EYS: variants seen among roughly 807,000 people sequenced by gnomAD.
EYS encodes the protein EGF-like photoreceptor maintenance factor, also known as protein eyes shut homolog.
Under a neutral mutation model 282.1 loss-of-function variants are expected in EYS, and 250 were observed. The observed-to-expected ratio is 0.89, with a 90% CI of 0.80 to 0.98. The LOEUF (loss-of-function observed/expected upper bound fraction) is 0.98. Ranked by LOEUF, EYS falls within the 50% of genes least tolerant of loss-of-function variation. EYS has a pLI of 0.00. For missense variants in EYS, 4,016 were observed against 3,709.0 expected, an observed-to-expected ratio of 1.08 and a Z score of -2.15; for synonymous variants, 1,355 against 1,282.9, an observed-to-expected ratio of 1.06 and a Z score of -1.20.
intron 31 of EYS, among the ~76,000 whole-genome samples, chr6:64,143,500 A>T (rs988377886): frequency 6.6e-6 from 1 of 152,204 alleles, no homozygotes; most frequent in East Asian, 1.9e-4. Flanking sequence ...CTAAAAGTGC[A>T]ATTAAAAATA....
intron 32 of EYS, among the ~76,000 whole-genome samples, chr6:64,070,044 G>A (rs968381236): frequency 2.0e-5 from 3 of 151,872 alleles, no homozygotes; most frequent in Non-Finnish European, 4.4e-5. Flanking sequence ...TTGTTTCTTT[G>A]GCCAAAGTAT....
Position 63,885,887 on chromosome 6 carries a change from G to A in EYS, c.7056-21529C>T, listed in dbSNP as rs543485955. 1.2e-4 allele frequency among the ~76,000 whole-genome samples: 19 copies of A among 152,258 alleles called. No individual in the cohort carries two copies. In the East Asian group the frequency reaches 3.1e-3, roughly 25 times the overall value. ...ATTGGCTAGACTTGTACTCTTTTGAGCAATATTCTTCTTCCAATGTGAATG... is the reference window on the plus strand; with the variant it reads ...ATTGGCTAGACTTGTACTCTTTTGAACAATATTCTTCTTCCAATGTGAATG... On this transcript the variant is annotated intron_variant, in intron 35 of 42. Transcript: ENST00000503581.
intron 1 of EYS, among the ~76,000 whole-genome samples, chr6:65,701,305 T>C (rs1230270846): frequency 6.6e-6 from 1 of 152,116 alleles, no homozygotes; most frequent in Non-Finnish European, 1.5e-5. Flanking sequence ...CCAAAATAAA[T>C]CACAGATGGA....
Position 64,439,357 on chromosome 6 carries a change from G to A in EYS, c.5645-5C>T, listed in dbSNP as rs1003975346. 10 of 1,479,196 alleles carry A rather than the reference G, an allele frequency of 6.8e-6. 1 individual carries two copies. Among genetic ancestry groups the A allele is most frequent in the South Asian group, 1.4e-5 (1 of 70,742 alleles). The allele number at this position is 1,479,196 out of a possible 1,614,324, so 91.6% of individuals were successfully genotyped here. On this transcript the variant is annotated splice_region_variant and splice_polypyrimidine_tract_variant and intron_variant, in intron 26 of 42. Transcript: ENST00000503581. ...AATAACGAACACAACTGAAATCTGT[G>A]GAGTCAGAAAGAAAATACAATTTAG...
intron 22 of EYS, among the ~76,000 whole-genome samples, chr6:64,681,895 C>T (rs1294844002): frequency 6.6e-6 from 1 of 152,134 alleles, no homozygotes; most frequent in African/African-American, 2.4e-5. Context: ...GTCTTACATC[C>T]TTGGGAATAC....
chr6:65,408,357 T>C (rs1048957888), intron 5 of EYS, among the ~76,000 whole-genome samples: 1 of 152,072 alleles, frequency 6.6e-6, no homozygotes, highest in Non-Finnish European at 1.5e-5. Context: ...TCTCTTCTTT[T>C]AAGAGATTAG....
At chr6:64,404,540 T>C (rs970509515) in intron 28 of EYS, among the ~76,000 whole-genome samples, 1 of 152,172 alleles carries the variant, frequency 6.6e-6, no homozygotes, top group African/African-American at 2.4e-5. Flanking sequence ...ATTTCTCAGA[T>C]AGGTATTTTA....
intron 14 of EYS, among the ~76,000 whole-genome samples, chr6:64,982,742 T>C (rs1301770539): frequency 6.6e-6 from 1 of 151,182 alleles, no homozygotes; most frequent in East Asian, 1.9e-4. Context: ...TTTGAGTTGA[T>C]AGATATCAGA....
chr6:65,404,407 T>C (rs1766638167), intron 6 of EYS, among the ~76,000 whole-genome samples: 1 of 151,998 alleles, frequency 6.6e-6, no homozygotes, highest in Non-Finnish European at 1.5e-5. Flanking sequence ...ATTTATTTTA[T>C]TTTTATTTTA....
At chr6:63,923,071 G>C (rs972023221) in intron 35 of EYS, among the ~76,000 whole-genome samples, 1 of 152,180 alleles carries the variant, frequency 6.6e-6, no homozygotes, top group Admixed American at 6.5e-5. Flanking sequence ...TTGTAAGTTT[G>C]CTAAAGTAAT....
chr6:64,036,220 TTAAAG>T (rs375610527), intron 33 of EYS, among the ~76,000 whole-genome samples: 13 of 152,162 alleles, frequency 8.5e-5, no homozygotes, highest in African/African-American at 2.4e-4. Flanking sequence ...ATGATAGAAC[TTAAAG>T]TATAATAGAA....
chr6:64,548,665 C>A (rs1257656198), intron 26 of EYS, among the ~76,000 whole-genome samples: 1 of 151,896 alleles, frequency 6.6e-6, no homozygotes, highest in Non-Finnish European at 1.5e-5. Flanking sequence ...ACATCACACA[C>A]TGGGGCCTGT....
At chr6:64,899,035 T>C (rs891151405) in intron 18 of EYS, among the ~76,000 whole-genome samples, 1 of 151,980 alleles carries the variant, frequency 6.6e-6, no homozygotes, top group African/African-American at 2.4e-5. Flanking sequence ...ACTGTCAATA[T>C]TAGACAGATC....
chr6:63,803,959 C>T (rs902595091), intron 37 of EYS, among the ~76,000 whole-genome samples: 4 of 152,118 alleles, frequency 2.6e-5, no homozygotes, highest in African/African-American at 9.7e-5. Context: ...AAGGTGGCTA[C>T]AGAAGGCCCT....
rs569497579 is a variant in EYS, at chr6:64,014,783, T to A, written c.6726-15600A>T. ...TGGCTTATTTAGTCTTTTTTTATTT[T>A]TTTTTTTTTTGGTTTCTGAGGTTTT... On this transcript the variant is annotated intron_variant, in intron 33 of 42. Coordinates refer to ENST00000503581, the MANE Select transcript of EYS (RefSeq NM_001142800.2). Among the ~76,000 whole-genome samples, 696 of 150,030 alleles carry A rather than the reference T, an allele frequency of 4.6e-3. 2 individuals are homozygous for A. The highest frequency in any genetic ancestry group is 7.2e-3 in the Non-Finnish European group (490 of 67,922).
intron 37 of EYS, among the ~76,000 whole-genome samples, chr6:63,802,368 G>T (rs1478936587): frequency 6.6e-6 from 1 of 151,836 alleles, no homozygotes; most frequent in East Asian, 1.9e-4. Context: ...AAACCTAGAT[G>T]ACAGATTGAT....
intron 5 of EYS, among the ~76,000 whole-genome samples, chr6:65,447,236 A>T (rs1768696510): frequency 6.7e-6 from 1 of 150,250 alleles, no homozygotes. Context: ...GAGGGTAGGT[A>T]CCAATATTGG....
intron 33 of EYS, among the ~76,000 whole-genome samples, chr6:64,042,903 C>T (rs10944301): frequency 0.58 from 87,364 of 151,876 alleles, 28,245 homozygotes; most frequent in African/African-American, 0.89. Flanking sequence ...TTTTCTAAAA[C>T]TGCTTCCATA....
At chr6:63,992,003 C>A (rs1488291210) in intron 34 of EYS, among the ~76,000 whole-genome samples, 2 of 151,744 alleles carry the variant, frequency 1.3e-5, no homozygotes, top group Non-Finnish European at 2.9e-5. Context: ...CCAAAACTGT[C>A]CTCCAAGAAT....
Sources: allele counts gnomAD v4.1 joint callset (sites outside exome capture counted in the v4.1 genomes callset), GRCh38; gene constraint gnomAD v4.1.1; transcripts MANE v1.5; gene names NCBI Gene and HGNC (gene_info 2026-07-23, HGNC 2026-07-21).